The following CCSER1 variants were observed in gnomAD, a reference collection of about 807,000 sequenced individuals.
The protein encoded by CCSER1 is coiled-coil serine rich protein 1, also known as serine-rich coiled-coil domain-containing protein 1.
A neutral mutation model predicts 82.0 loss-of-function variants in CCSER1; 41 were observed. That is an observed-to-expected ratio of 0.50 (90% CI 0.39 to 0.65). CCSER1 has a LOEUF of 0.65. Among genes scored for constraint, CCSER1 ranks in the 30% least tolerant of loss-of-function variants. CCSER1 has a pLI of 0.00. For missense variants in CCSER1, 1,119 were observed against 1,064.2 expected, an observed-to-expected ratio of 1.05 and a Z score of -0.72; for synonymous variants, 414 against 383.9, an observed-to-expected ratio of 1.08 and a Z score of -0.92.
At chr4:91,020,903 A>G (rs1391853488) in intron 9 of CCSER1, among the ~76,000 whole-genome samples, 1 of 152,132 alleles carries the variant, frequency 6.6e-6, no homozygotes, top group East Asian at 1.9e-4. Context: ...TCTACTTACT[A>G]TACACTATAT....
chr4:90,989,384 A>G (rs1200216750), intron 9 of CCSER1, among the ~76,000 whole-genome samples: 1 of 151,802 alleles, frequency 6.6e-6, no homozygotes, highest in Admixed American at 6.6e-5. Flanking sequence ...AGTTAATGAA[A>G]CACATCTGGG....
intron 7 of CCSER1, among the ~76,000 whole-genome samples, chr4:90,782,501 C>A (rs1753905951): frequency 6.6e-6 from 1 of 151,874 alleles, no homozygotes; most frequent in Non-Finnish European, 1.5e-5. Context: ...GGTGTTGAAA[C>A]AAAGGCAGGG....
chr4:91,188,319 A>G (rs1055813434), intron 10 of CCSER1, among the ~76,000 whole-genome samples: 14 of 152,204 alleles, frequency 9.2e-5, no homozygotes, highest in Admixed American at 7.2e-4. Flanking sequence ...TCATAGTAGT[A>G]GTCATTTTTC....
chr4:90,787,736 T>G (rs1754710013), intron 7 of CCSER1, among the ~76,000 whole-genome samples: 1 of 152,172 alleles, frequency 6.6e-6, no homozygotes, highest in Non-Finnish European at 1.5e-5. Flanking sequence ...CTTCATCATG[T>G]ACTGATTAGA....
rs936278185 is a variant in CCSER1 at position 91,588,708 on chromosome 4, G to A, written c.2218-9864G>A. 6.9e-4 allele frequency among the ~76,000 whole-genome samples: 105 copies of A among 151,754 alleles called. 1 individual carries two copies. The highest frequency in any genetic ancestry group is 6.8e-3 in the Admixed American group (103 of 15,176). ...GTAGTATTATGTTCACCAAACCATC[G>A]TGCAGAAAATGTAGGTTCTTATTAT... is the stretch of plus-strand genomic sequence containing the variant. On this transcript the variant is annotated intron_variant, in intron 10 of 10. Coordinates refer to ENST00000509176, the MANE Select transcript of CCSER1 (RefSeq NM_001145065.2).
chr4:91,426,767 TA>T (rs1197812965), intron 10 of CCSER1, among the ~76,000 whole-genome samples: 10 of 152,164 alleles, frequency 6.6e-5, no homozygotes, highest in African/African-American at 2.4e-4. Flanking sequence ...AATAGTCTTC[TA>T]AAAACAATTT....
intron 6 of CCSER1, among the ~76,000 whole-genome samples, chr4:90,655,388 C>T (rs1729521758): frequency 6.6e-6 from 1 of 152,006 alleles, no homozygotes; most frequent in Non-Finnish European, 1.5e-5. Context: ...CTAGTGTTTT[C>T]ATGGCTTTTG....
At chr4:90,151,248 T>C (rs141512116) in intron 1 of CCSER1, among the ~76,000 whole-genome samples, 2,494 of 152,110 alleles carry the variant, frequency 0.016, 55 homozygotes, top group African/African-American at 0.045. Context: ...AGAGGTAAAA[T>C]TGTACAGGTA....
chr4:90,853,605 G>C (rs1764122620), intron 8 of CCSER1, among the ~76,000 whole-genome samples: 1 of 145,800 alleles, frequency 6.9e-6, no homozygotes, highest in South Asian at 2.3e-4. Flanking sequence ...AACTATGTAA[G>C]CCAATACTTT....
rs183772678 is a variant in CCSER1, at chr4:90,785,288, T to C, written c.2011-30474T>C. Among the ~76,000 whole-genome samples the C allele has an allele frequency of 6.6e-5, 10 of 152,224 alleles. No individual in the cohort carries two copies. In the East Asian group the frequency reaches 1.5e-3, roughly 24 times the overall value. On this transcript the variant is annotated intron_variant, in intron 7 of 10. Coordinates refer to ENST00000509176, the MANE Select transcript of CCSER1 (RefSeq NM_001145065.2). ...CCTGGGCTCAAGCAATCCACCCTCC[T>C]TCGCCTCCCAAATTACAGGCATGAG...
chr4:90,828,895 T>C (rs1225031948), intron 8 of CCSER1, among the ~76,000 whole-genome samples: 1 of 152,102 alleles, frequency 6.6e-6, no homozygotes, highest in African/African-American at 2.4e-5. Flanking sequence ...TATTAAATTA[T>C]ATAGATGAAA....
At chr4:90,141,562 G>A (rs1316539927) in intron 1 of CCSER1, among the ~76,000 whole-genome samples, 1 of 152,286 alleles carries the variant, frequency 6.6e-6, no homozygotes, top group East Asian at 1.9e-4. Context: ...TGCAATATGT[G>A]CAAGAGACAA....
intron 3 of CCSER1, among the ~76,000 whole-genome samples, chr4:90,367,497 T>C (rs1309641229): frequency 2.6e-5 from 4 of 151,888 alleles, no homozygotes; most frequent in African/African-American, 9.7e-5. Context: ...TAGCTAGCCA[T>C]ATTTTGTCTT....
chr4:90,329,437 A>C (rs1319766385), intron 3 of CCSER1, among the ~76,000 whole-genome samples: 2 of 152,214 alleles, frequency 1.3e-5, no homozygotes, highest in East Asian at 3.8e-4. Flanking sequence ...AAAAACAAAT[A>C]GTATTGCCTT....
chr4:90,235,188 A>G (rs1014476227), intron 1 of CCSER1: 1 of 152,678 alleles, frequency 6.5e-6, no homozygotes, highest in Non-Finnish European at 1.5e-5. Context: ...TGCTGCTGCC[A>G]GTGCCAATTC....
At chr4:90,668,659 A>G (rs1355665564) in intron 6 of CCSER1, among the ~76,000 whole-genome samples, 3 of 152,098 alleles carry the variant, frequency 2.0e-5, no homozygotes, top group Non-Finnish European at 4.4e-5. Context: ...TCTTGATTAC[A>G]ATAGTTAAAT....
chr4:90,496,177 AAAG>A (rs1411177279), intron 5 of CCSER1, among the ~76,000 whole-genome samples: 1 of 152,200 alleles, frequency 6.6e-6, no homozygotes, highest in African/African-American at 2.4e-5. Context: ...CACAACAATT[AAAG>A]AAGCTTAACA....
At chr4:91,127,912 C>T (rs1561569848) in intron 10 of CCSER1, among the ~76,000 whole-genome samples, 2 of 151,910 alleles carry the variant, frequency 1.3e-5, no homozygotes, top group Non-Finnish European at 2.9e-5. Context: ...AATAAGGTCA[C>T]ATTAGCATAC....
At chr4:90,277,149 C>T (rs190176685) in intron 1 of CCSER1, among the ~76,000 whole-genome samples, 19 of 152,008 alleles carry the variant, frequency 1.2e-4, no homozygotes, top group Admixed American at 7.9e-4. Context: ...TTAGAGTGGG[C>T]ATTCCTGTCT....
Sources: gnomAD v4.1 joint callset for allele counts (sites outside exome capture counted in the v4.1 genomes callset) on GRCh38, gnomAD v4.1.1 for gene constraint, MANE v1.5 for transcripts, NCBI Gene and HGNC (gene_info 2026-07-23, HGNC 2026-07-21) for gene names.